BTAF1: variants seen among roughly 807,000 people sequenced by gnomAD.
BTAF1 encodes the protein B-TFIID TATA-box binding protein associated factor 1, also known as TATA-binding protein-associated factor 172.
In BTAF1, 38 loss-of-function variants were observed where a neutral mutation model predicts 227.1. The observed-to-expected ratio is 0.17, with a 90% CI of 0.13 to 0.22. The LOEUF (loss-of-function observed/expected upper bound fraction) is 0.22, where lower values mean the gene tolerates loss of function less well. Among genes scored for constraint, BTAF1 ranks in the 10% least tolerant of loss-of-function variants. BTAF1 has a pLI of 1.00. For missense variants in BTAF1, 1,598 were observed against 2,204.0 expected, an observed-to-expected ratio of 0.73 and a Z score of 5.51; for synonymous variants, 742 against 751.9, an observed-to-expected ratio of 0.99 and a Z score of 0.21.
At chr10:92,001,692 TA>T (rs2134071932) in intron 25 of BTAF1, among the ~76,000 whole-genome samples, 1 of 151,966 alleles carries the variant, frequency 6.6e-6, no homozygotes, top group South Asian at 2.1e-4. Flanking sequence ...CCCAACAACA[TA>T]AAACTTCAGA....
chr10:91,925,051 A>G (rs1400285764), intron 1 of BTAF1, among the ~76,000 whole-genome samples: 3 of 152,224 alleles, frequency 2.0e-5, no homozygotes, highest in Non-Finnish European at 4.4e-5. Flanking sequence ...TATTAAGTGC[A>G]CAAGTTTTAT....
intron 25 of BTAF1, among the ~76,000 whole-genome samples, chr10:92,006,051 T>C (rs1329920497): frequency 6.6e-6 from 1 of 152,068 alleles, no homozygotes; most frequent in Non-Finnish European, 1.5e-5. Context: ...TTTTTAAAAT[T>C]TTTTGTAGAG....
At chr10:91,994,667 A>G in intron 23 of BTAF1, 23 bp downstream of exon 23, 1 of 1,559,582 alleles carries the variant, frequency 6.4e-7, no homozygotes, top group Non-Finnish European at 8.8e-7. Flanking sequence ...TGCAAGTGTA[A>G]TATTTCTTCA....
At chr10:91,993,302 T>G (rs2134033986) in intron 21 of BTAF1, among the ~76,000 whole-genome samples, 1 of 152,348 alleles carries the variant, frequency 6.6e-6, no homozygotes, top group South Asian at 2.1e-4. Context: ...CAGATGATCT[T>G]GTACTATCCC....
intron 4 of BTAF1, among the ~76,000 whole-genome samples, chr10:91,949,434 A>G (rs972377377): frequency 4.6e-5 from 7 of 152,172 alleles, no homozygotes; most frequent in Admixed American, 1.3e-4. Context: ...CTTTGCTTTT[A>G]ATTTTGTCAG....
intron 36 of BTAF1, 72 bp from the exon 37 acceptor site, chr10:92,027,058 C>A: frequency 6.8e-7 from 1 of 1,464,130 alleles, no homozygotes; most frequent in Non-Finnish European, 9.2e-7. Context: ...TACAAGTCTA[C>A]AAGCCCTCTG....
chr10:92,025,809 TCA>T (rs869302978), intron 35 of BTAF1, among the ~76,000 whole-genome samples: 2 of 38,808 alleles, frequency 5.2e-5, no homozygotes, highest in Non-Finnish European at 4.0e-5. Flanking sequence ...AGACTCTGTC[TCA>T]AAAAAAAAAA....
intron 3 of BTAF1, among the ~76,000 whole-genome samples, chr10:91,940,302 G>A (rs1844899924): frequency 6.6e-6 from 1 of 151,486 alleles, no homozygotes; most frequent in Non-Finnish European, 1.5e-5. Flanking sequence ...TCTACAGTAT[G>A]CTTGATTTAC....
intron 2 of BTAF1, among the ~76,000 whole-genome samples, chr10:91,936,839 A>G (rs1844645506): frequency 6.6e-6 from 1 of 152,166 alleles, no homozygotes; most frequent in Non-Finnish European, 1.5e-5. Context: ...TGCTGAACTG[A>G]GAAAAGTTTT....
intron 26 of BTAF1, 52 bp downstream of exon 26, chr10:92,008,327 G>T: frequency 6.9e-7 from 1 of 1,459,400 alleles, no homozygotes; most frequent in Non-Finnish European, 9.0e-7. Flanking sequence ...TTGAAGCGTT[G>T]TGGGTTTGTT....
intron 1 of BTAF1, among the ~76,000 whole-genome samples, chr10:91,926,189 A>G (rs1843816222): frequency 6.6e-6 from 1 of 152,212 alleles, no homozygotes; most frequent in Non-Finnish European, 1.5e-5. Flanking sequence ...CTGTTGGTGC[A>G]GACTCATTTT....
At chr10:91,960,185 G>A (rs1564675088) in intron 11 of BTAF1, 31 bp downstream of exon 11, 2 of 1,600,394 alleles carry the variant, frequency 1.2e-6, no homozygotes, top group South Asian at 1.1e-5. Flanking sequence ...AGCTTATGTG[G>A]GAGAGTTTTT....
rs746642816 is a variant in BTAF1 at position 91,994,497 on chromosome 10, AT to A, written c.3200-36del. 88 of 1,501,418 alleles carry A rather than the reference AT, an allele frequency of 5.9e-5. 1 individual carries two copies. Among genetic ancestry groups the A allele is most frequent in the South Asian group, 5.2e-4 (44 of 85,140 alleles). 93.0% of individuals were successfully genotyped at this position (1,501,418 alleles called of 1,614,324 possible). ...TTTTGTGTGCTCTAGATTTTGAAAA[AT>A]TATTTGCCAGATAATACAGACAATA... On this transcript the variant is annotated intron_variant, in intron 22 of 37. Coordinates refer to ENST00000265990, the MANE Select transcript of BTAF1 (RefSeq NM_003972.3).
At chr10:91,987,440 G>A (rs997825437) in intron 19 of BTAF1, among the ~76,000 whole-genome samples, 4 of 151,872 alleles carry the variant, frequency 2.6e-5, no homozygotes, top group Non-Finnish European at 4.4e-5. Context: ...CCAAGATCAC[G>A]CCACTGCGCT....
chr10:91,986,208 C>T (rs970402808), intron 19 of BTAF1, among the ~76,000 whole-genome samples: 1 of 152,086 alleles, frequency 6.6e-6, no homozygotes, highest in African/African-American at 2.4e-5. Context: ...ATTGAAAATA[C>T]TTTCATTTCC....
In BTAF1 at chr10:91,966,593, T is replaced by C. The variant is rs78873339; in HGVS notation, c.1530-44T>C. 560 of 1,596,812 alleles carry C rather than the reference T, an allele frequency of 3.5e-4. 6 individuals are homozygous for C. In the East Asian group the frequency reaches 9.8e-3, roughly 28 times the overall value. On this transcript the variant is annotated intron_variant, in intron 13 of 37. Coordinates refer to ENST00000265990, the MANE Select transcript of BTAF1 (RefSeq NM_003972.3). ...TATTTAGATAATGTATCTACAGAGT[T>C]ACAACTTAGAATAAGTAAGATTAAT... is the stretch of plus-strand genomic sequence containing the variant.
At chr10:91,952,206 G>A (rs1052164762) in intron 5 of BTAF1, among the ~76,000 whole-genome samples, 1 of 151,702 alleles carries the variant, frequency 6.6e-6, no homozygotes, top group Admixed American at 6.6e-5. Context: ...TTTAAGCCAT[G>A]TTTACCTTTT....
chr10:92,026,180 C>G (rs561990636), intron 35 of BTAF1, among the ~76,000 whole-genome samples: 1 of 152,190 alleles, frequency 6.6e-6, no homozygotes, highest in East Asian at 1.9e-4. Flanking sequence ...TCTTCTAGGA[C>G]TAGTACAGTA....
chr10:91,949,028 T>C (rs540949406), intron 4 of BTAF1, among the ~76,000 whole-genome samples: 1 of 152,268 alleles, frequency 6.6e-6, no homozygotes, highest in African/African-American at 2.4e-5. Flanking sequence ...TCTTGCATTC[T>C]GGTTGGGTGC....
Sources: allele counts gnomAD v4.1 joint callset (sites outside exome capture counted in the v4.1 genomes callset), GRCh38; gene constraint gnomAD v4.1.1; transcripts MANE v1.5; gene names NCBI Gene and HGNC (gene_info 2026-07-23, HGNC 2026-07-21).